The following CFAP299 variants were observed in gnomAD, a reference collection of about 807,000 sequenced individuals.
The protein encoded by CFAP299 is cilia- and flagella-associated protein 299.
Under a neutral mutation model 27.0 loss-of-function variants are expected in CFAP299, and 21 were observed. The ratio of observed to expected loss-of-function variants is 0.78; its 90% CI spans 0.55 to 1.12. The LOEUF (loss-of-function observed/expected upper bound fraction) is 1.12, where lower values mean the gene tolerates loss of function less well. Ranked by LOEUF, CFAP299 falls within the 50% of genes most tolerant of loss-of-function variation. The pLI, the probability that CFAP299 is intolerant of heterozygous loss-of-function variation, is 0.00. For synonymous variants in CFAP299, 104 were observed against 98.1 expected (o/e 1.06, Z -0.36); for missense variants, 310 against 276.6 (o/e 1.12, Z -0.86).
rs373561026 is a variant in CFAP299 at position 80,372,134 on chromosome 4, C to CA, written c.242+9250_242+9251insA. Reference sequence around the variant, plus strand: ...AGAGAGACCTCAGGAAACTTACAATCTGCTGAAAGGTGAAGGGGAAGCCAG... The same window carrying CA: ...AGAGAGACCTCAGGAAACTTACAATCATGCTGAAAGGTGAAGGGGAAGCCAG... On this transcript the variant is annotated intron_variant, in intron 2 of 5. Transcript: ENST00000358105. Among the ~76,000 whole-genome samples the CA allele has an allele frequency of 6.2e-3, 946 of 152,324 alleles. 2 individuals are homozygous for CA. The highest frequency in any genetic ancestry group is 0.024 in the Middle Eastern group (7 of 294).
chr4:80,558,350 G>GTTTTTTTTTTTTTTTTTTT (rs1352651407), intron 2 of CFAP299, among the ~76,000 whole-genome samples: 16 of 132,234 alleles, frequency 1.2e-4, no homozygotes, highest in African/African-American at 4.2e-4. Flanking sequence ...TTTTTTGTTT[G>GTTTTTTTTTTTTTTTTTTT]TTTGTTTGTT....
chr4:80,448,099 A>C (rs562063878), intron 2 of CFAP299, among the ~76,000 whole-genome samples: 4 of 152,204 alleles, frequency 2.6e-5, no homozygotes, highest in Non-Finnish European at 2.9e-5. Context: ...CTCTCTGCTC[A>C]GATTACCCCA....
chr4:80,409,999 T>C (rs901199110), intron 2 of CFAP299, among the ~76,000 whole-genome samples: 1 of 152,136 alleles, frequency 6.6e-6, no homozygotes, highest in African/African-American at 2.4e-5. Context: ...GCAGAAGTGA[T>C]GTAAGGAATG....
At chr4:80,510,147 G>C (rs1323245452) in intron 2 of CFAP299, among the ~76,000 whole-genome samples, 3 of 152,060 alleles carry the variant, frequency 2.0e-5, no homozygotes, top group Non-Finnish European at 4.4e-5. Flanking sequence ...GCCTCATATA[G>C]GATTTGTTCT....
At chr4:80,415,501 G>T (rs533761705) in intron 2 of CFAP299, among the ~76,000 whole-genome samples, 496 of 151,946 alleles carry the variant, frequency 3.3e-3, no homozygotes, top group Non-Finnish European at 5.7e-3. Flanking sequence ...TTTTAATCTG[G>T]TTGCTAAAAT....
intron 2 of CFAP299, among the ~76,000 whole-genome samples, chr4:80,465,257 TA>T (rs1198089313): frequency 6.6e-6 from 1 of 152,136 alleles, no homozygotes; most frequent in Non-Finnish European, 1.5e-5. Context: ...ATAACTCAAT[TA>T]AAAATGCTAG....
intron 3 of CFAP299, among the ~76,000 whole-genome samples, chr4:80,820,041 A>C (rs1729620348): frequency 6.6e-6 from 1 of 152,188 alleles, no homozygotes; most frequent in African/African-American, 2.4e-5. Context: ...GCCAAAATAA[A>C]TAGTAAGAAA....
chr4:80,648,533 G>A (rs187176651), intron 3 of CFAP299, among the ~76,000 whole-genome samples: 26 of 152,148 alleles, frequency 1.7e-4, no homozygotes, highest in Middle Eastern at 3.4e-3. Flanking sequence ...CTCCTCTTTC[G>A]TGGTTCTGGG....
chr4:80,822,269 A>G (rs2110125024), intron 3 of CFAP299, among the ~76,000 whole-genome samples: 1 of 152,290 alleles, frequency 6.6e-6, no homozygotes, highest in East Asian at 1.9e-4. Flanking sequence ...GCCTTCACTA[A>G]CATTTGAAAA....
chr4:80,440,237 A>AC (rs1728292552), intron 2 of CFAP299, among the ~76,000 whole-genome samples: 1 of 151,842 alleles, frequency 6.6e-6, no homozygotes, highest in African/African-American at 2.4e-5. Flanking sequence ...TGGGTCCCTG[A>AC]CCCCCATGCC....
At chr4:80,326,835 A>G in the CFAP299 span, among the ~76,000 whole-genome samples, 2 of 152,254 alleles carry the variant, frequency 1.3e-5, no homozygotes, top group African/African-American at 4.8e-5. Context: ...AAGTGTATCT[A>G]TAATTACAAA....
At chr4:80,377,841 T>C (rs953008212) in intron 2 of CFAP299, among the ~76,000 whole-genome samples, 2 of 152,162 alleles carry the variant, frequency 1.3e-5, no homozygotes, top group African/African-American at 4.8e-5. Flanking sequence ...AGAGGTTTAA[T>C]TGGACTTATA....
chr4:80,427,985 G>T, intron 2 of CFAP299, among the ~76,000 whole-genome samples: 1 of 152,092 alleles, frequency 6.6e-6, no homozygotes, highest in East Asian at 1.9e-4. Flanking sequence ...AGAACCATTG[G>T]GCGATTGTAA....
At chr4:80,737,926 T>A (rs1724010809) in intron 3 of CFAP299, among the ~76,000 whole-genome samples, 1 of 152,094 alleles carries the variant, frequency 6.6e-6, no homozygotes, top group Non-Finnish European at 1.5e-5. Flanking sequence ...GTATGTTGAG[T>A]TTTAATTATC....
At chr4:80,355,341 T>TTCA (rs1267563742) in intron 1 of CFAP299, among the ~76,000 whole-genome samples, 1 of 149,778 alleles carries the variant, frequency 6.7e-6, no homozygotes, top group Non-Finnish European at 1.5e-5. Context: ...TTGAAAAGTG[T>TTCA]TCATGTCCTT....
chr4:80,569,168 A>AT (rs1735458813), intron 2 of CFAP299, among the ~76,000 whole-genome samples: 1 of 151,986 alleles, frequency 6.6e-6, no homozygotes, highest in African/African-American at 2.4e-5. Flanking sequence ...AACCCTGTTG[A>AT]TAGCTCCATT....
At chr4:80,545,168 A>G (rs944485068) in intron 2 of CFAP299, among the ~76,000 whole-genome samples, 2 of 152,164 alleles carry the variant, frequency 1.3e-5, no homozygotes, top group African/African-American at 4.8e-5. Context: ...AACAGATGCA[A>G]CATAAAAGAA....
At position 80,880,502 on chromosome 4, in the gene CFAP299, C is replaced by T. The variant is rs369013099; in HGVS notation, c.476+10367C>T. ...ATCCCAGCACTTTGGGAGGCCGAGG[C>T]GAGCAGATCACAAGGTCAGGAATTT... On this transcript the variant is annotated intron_variant, in intron 4 of 5. Coordinates refer to ENST00000358105, the MANE Select transcript of CFAP299 (RefSeq NM_152770.3). Among the ~76,000 whole-genome samples, 17 of 152,034 alleles carry T rather than the reference C, an allele frequency of 1.1e-4. No homozygotes were observed. The South Asian group carries it at 2.7e-3, about 24-fold the overall frequency.
At chr4:80,759,352 G>A (rs187331163) in intron 3 of CFAP299, among the ~76,000 whole-genome samples, 4 of 152,224 alleles carry the variant, frequency 2.6e-5, no homozygotes, top group Non-Finnish European at 5.9e-5. Flanking sequence ...TAGGAAACAC[G>A]ACTGAAAGTG....
Sources: allele counts gnomAD v4.1 joint callset (sites outside exome capture counted in the v4.1 genomes callset), GRCh38; gene constraint gnomAD v4.1.1; transcripts MANE v1.5; gene names NCBI Gene and HGNC (gene_info 2026-07-23, HGNC 2026-07-21).